IKZF3: variants seen among roughly 807,000 people sequenced by gnomAD.
The protein encoded by IKZF3 is zinc finger protein Aiolos.
A neutral mutation model predicts 49.0 loss-of-function variants in IKZF3; 10 were observed. The ratio of observed to expected loss-of-function variants is 0.20; its 90% CI spans 0.13 to 0.35. The LOEUF (loss-of-function observed/expected upper bound fraction) is 0.35. Among genes scored for constraint, IKZF3 ranks in the 10% least tolerant of loss-of-function variants. The pLI is 1.00. For synonymous variants in IKZF3, 209 were observed against 228.2 expected (o/e 0.92, Z 0.76); for missense variants, 498 against 664.8 (o/e 0.75, Z 2.76).
At chr17:39,829,622 C>A in intron 2 of IKZF3, 134 bp from the exon 3 acceptor site, 2 of 618,840 alleles carry the variant, frequency 3.2e-6, no homozygotes, top group East Asian at 2.8e-5. Flanking sequence ...TTCACACATA[C>A]CCAAAAGGGA....
At chr17:39,831,616 T>C (rs565439341) in intron 2 of IKZF3, among the ~76,000 whole-genome samples, 1 of 152,254 alleles carries the variant, frequency 6.6e-6, no homozygotes, top group East Asian at 1.9e-4. Flanking sequence ...TGCTTCTGTG[T>C]GGGCCCAAGA....
intron 3 of IKZF3, among the ~76,000 whole-genome samples, chr17:39,818,184 G>GT: frequency 6.6e-6 from 1 of 152,276 alleles, no homozygotes; most frequent in East Asian, 1.9e-4. Context: ...AAAAGATACA[G>GT]TAAAAATAGG....
At chr17:39,785,685 T>C (rs2060857508) in intron 6 of IKZF3, among the ~76,000 whole-genome samples, 1 of 152,190 alleles carries the variant, frequency 6.6e-6, no homozygotes, top group South Asian at 2.1e-4. Context: ...CATATATGTA[T>C]ATACATGTGT....
At chr17:39,777,623 A>G (rs1215691026) in intron 7 of IKZF3, 28 bp downstream of exon 7, 3 of 1,495,312 alleles carry the variant, frequency 2.0e-6, no homozygotes, top group Non-Finnish European at 2.8e-6. Flanking sequence ...TCTGCTAACA[A>G]CAGCAGGAAA....
intron 3 of IKZF3, among the ~76,000 whole-genome samples, chr17:39,799,767 T>C (rs1354133738): frequency 6.6e-6 from 1 of 152,244 alleles, no homozygotes; most frequent in Admixed American, 6.5e-5. Context: ...ATTTCAATAG[T>C]GTATTCAAAC....
chr17:39,809,239 G>A (rs985034739), intron 3 of IKZF3, among the ~76,000 whole-genome samples: 4 of 152,184 alleles, frequency 2.6e-5, no homozygotes, highest in African/African-American at 9.7e-5. Context: ...TGTTTAGACA[G>A]TATCACCCAG....
chr17:39,824,092 A>G (rs2061890736), intron 3 of IKZF3, among the ~76,000 whole-genome samples: 1 of 152,220 alleles, frequency 6.6e-6, no homozygotes. Context: ...AGGGGACTGT[A>G]CCCTGCAAAG....
intron 1 of IKZF3, among the ~76,000 whole-genome samples, chr17:39,846,876 C>A (rs550025909): frequency 6.6e-6 from 1 of 151,858 alleles, no homozygotes; most frequent in African/African-American, 2.4e-5. Context: ...TAAAGGAAAG[C>A]AAAATGTCAA....
At chr17:39,860,208 G>A (rs1671350608) in intron 1 of IKZF3, among the ~76,000 whole-genome samples, 1 of 151,946 alleles carries the variant, frequency 6.6e-6, no homozygotes, top group South Asian at 2.1e-4. Context: ...GTTTGTGGTA[G>A]CCTGGGCAAC....
chr17:39,799,047 C>G (rs1263867823), intron 3 of IKZF3, among the ~76,000 whole-genome samples: 1 of 151,530 alleles, frequency 6.6e-6, no homozygotes, highest in Non-Finnish European at 1.5e-5. Context: ...TATGACACTG[C>G]TTAACCTGTA....
At chr17:39,773,421 A>G (rs1380444178) in intron 7 of IKZF3, among the ~76,000 whole-genome samples, 5 of 152,186 alleles carry the variant, frequency 3.3e-5, no homozygotes, top group Admixed American at 1.3e-4. Flanking sequence ...TTTTTCTCTT[A>G]GAAACAGGTA....
intron 3 of IKZF3, 138 bp downstream of exon 3, chr17:39,829,249 T>C (rs2062038435): frequency 1.7e-6 from 1 of 578,232 alleles, no homozygotes; most frequent in Non-Finnish European, 3.1e-6. Context: ...ATGCAAATAT[T>C]TGTGAAATTA....
rs149776856 is a variant in IKZF3, at chr17:39,812,518, C to T, written c.163+16869G>A. ...TTCAAGCTACCATCATGGAGTCAGC[C>T]AGCATACAAAATTGTTGAAAATTTA... On this transcript the variant is annotated intron_variant, in intron 3 of 7. Transcript: ENST00000346872. 2.8e-3 allele frequency among the ~76,000 whole-genome samples: 423 copies of T among 152,236 alleles called. 6 individuals carry two copies. Among genetic ancestry groups the T allele is most frequent in the African/African-American group, 9.8e-3 (405 of 41,522 alleles).
intron 3 of IKZF3, among the ~76,000 whole-genome samples, chr17:39,798,112 AT>A (rs1005899643): frequency 2.6e-5 from 4 of 151,970 alleles, no homozygotes; most frequent in African/African-American, 9.7e-5. Context: ...CCACTCCTGT[AT>A]TTTGCATGCC....
intron 1 of IKZF3, among the ~76,000 whole-genome samples, chr17:39,838,457 CCATTTAGTT>C (rs2062367299): frequency 6.6e-6 from 1 of 152,072 alleles, no homozygotes; most frequent in African/African-American, 2.4e-5. Context: ...TCTAGAATTT[CCATTTAGTT>C]CATTTTAATT....
chr17:39,760,188 ACT>A lies in IKZF3; in HGVS notation c.*5600_*5601del, dbSNP rs1360406893. ...TTTTTTTTTTTTGAGATGGAGTCTCACTCTGTTGTCCAGGCTGGATTGCAATG... is the reference window on the plus strand; with the variant it reads ...TTTTTTTTTTTTGAGATGGAGTCTCACTGTTGTCCAGGCTGGATTGCAATG... On this transcript the variant is annotated 3_prime_UTR_variant, in exon 8 of 8. Coordinates refer to ENST00000346872, the MANE Select transcript of IKZF3 (RefSeq NM_012481.5). 3.1e-5 allele frequency: 4 copies of A among 127,364 alleles called. No homozygotes were observed. The highest frequency in any genetic ancestry group is 6.3e-5 in the Non-Finnish European group (4 of 63,712). The allele number at this position is 127,364 out of a possible 1,614,324, so 7.9% of individuals were successfully genotyped here. A position where few individuals can be genotyped will look rare whatever the true frequency, so the allele number is the denominator to read the frequency against.
At chr17:39,802,594 G>A (rs181153027) in intron 3 of IKZF3, among the ~76,000 whole-genome samples, 3 of 147,646 alleles carry the variant, frequency 2.0e-5, no homozygotes, top group Admixed American at 6.7e-5. Flanking sequence ...GAGACAGAGC[G>A]AGACCCTGTC....
intron 2 of IKZF3, among the ~76,000 whole-genome samples, chr17:39,829,844 C>T (rs1349085468): frequency 1.3e-5 from 2 of 152,130 alleles, no homozygotes; most frequent in East Asian, 1.9e-4. Context: ...CCCAGCTACT[C>T]GGGAGGCTGA....
rs2060223542 is a variant in IKZF3, at chr17:39,763,486, C to T, written c.*2304G>A. 1.3e-5 allele frequency: 2 copies of T among 151,866 alleles called. No homozygotes were observed. Among genetic ancestry groups the T allele is most frequent in the South Asian group, 4.2e-4 (2 of 4,816 alleles). 9.4% of individuals were successfully genotyped at this position (151,866 alleles called of 1,614,324 possible). On this transcript the variant is annotated 3_prime_UTR_variant, in exon 8 of 8. Transcript: ENST00000346872. ...GAATTTATTTTCCCTAACATAATTT[C>T]TTAAAAAGTAAAAAAAAAAAGAAGG...
Sources: gnomAD v4.1 joint callset for allele counts (sites outside exome capture counted in the v4.1 genomes callset) on GRCh38, gnomAD v4.1.1 for gene constraint, MANE v1.5 for transcripts, NCBI Gene and HGNC (gene_info 2026-07-23, HGNC 2026-07-21) for gene names.